Variants in UGT2B7 observed in about 807,000 individuals in gnomAD.
The protein encoded by UGT2B7 is UDP glucuronosyltransferase family 2 member B7, also known as UDP-glucuronosyltransferase 2B7.
Under a neutral mutation model 51.9 loss-of-function variants are expected in UGT2B7, and 51 were observed. The observed-to-expected ratio is 0.98, with a 90% CI of 0.78 to 1.24. The LOEUF is 1.24. Ranked by LOEUF, UGT2B7 falls within the 50% of genes most tolerant of loss-of-function variation. The pLI is 0.00. For synonymous variants in UGT2B7, 225 were observed against 211.6 expected (o/e 1.06, Z -0.55); for missense variants, 727 against 628.4 (o/e 1.16, Z -1.68).
chr4:69,087,033 A>T (rs1718975874), intron 1 of UGT2B7, among the ~76,000 whole-genome samples: 1 of 151,232 alleles, frequency 6.6e-6, no homozygotes, highest in Non-Finnish European at 1.5e-5. Flanking sequence ...GTTTCTGTAT[A>T]TCCTTTCTCT....
upstream of UGT2B7, among the ~76,000 whole-genome samples, chr4:69,094,373 C>T (rs1173978233): frequency 1.0e-4 from 3 of 30,142 alleles, 1 homozygote; most frequent in East Asian, 2.1e-3. Flanking sequence ...TGGTCTCGAT[C>T]TCCTGACCTC....
chr4:69,076,896 T>C (rs1050632833), intron 1 of UGT2B7, among the ~76,000 whole-genome samples: 2 of 152,234 alleles, frequency 1.3e-5, no homozygotes, highest in South Asian at 2.1e-4. Flanking sequence ...GGTTTTCTTC[T>C]AGGATTTTTA....
chr4:69,086,240 G>A (rs4458521), intron 1 of UGT2B7, among the ~76,000 whole-genome samples: 94,869 of 151,458 alleles, frequency 0.63, 31,168 homozygotes, highest in African/African-American at 0.81. Flanking sequence ...ATTTATCTAT[G>A]GACTCAATGG....
chr4:69,094,064 G>T (rs573570038), upstream of UGT2B7, among the ~76,000 whole-genome samples: 43 of 151,294 alleles, frequency 2.8e-4, 1 homozygote, highest in East Asian at 7.9e-3. Context: ...TTGCAGATTT[G>T]GTTCTAGAAT....
intron 1 of UGT2B7, among the ~76,000 whole-genome samples, chr4:69,055,192 G>A (rs533041366): frequency 4.1e-5 from 6 of 147,012 alleles, no homozygotes; most frequent in Non-Finnish European, 8.9e-5. Context: ...TAAGCAGCAT[G>A]AGATAAGATG....
At chr4:69,052,023 A>G (rs556396580) in intron 1 of UGT2B7, among the ~76,000 whole-genome samples, 1 of 152,180 alleles carries the variant, frequency 6.6e-6, no homozygotes, top group South Asian at 2.1e-4. Flanking sequence ...AAGTAAGCCC[A>G]CCCCACTGAG....
At chr4:69,109,351 C>T (rs946286235) in intron 5 of UGT2B7, among the ~76,000 whole-genome samples, 7 of 152,130 alleles carry the variant, frequency 4.6e-5, no homozygotes, top group African/African-American at 1.7e-4. Context: ...ATGACTACCA[C>T]CAGCAGTACA....
At chr4:69,085,039 C>T (rs183554226) in intron 1 of UGT2B7, among the ~76,000 whole-genome samples, 21 of 152,192 alleles carry the variant, frequency 1.4e-4, no homozygotes, top group East Asian at 5.8e-4. Flanking sequence ...CTTGAAGAAT[C>T]GCCACACTGT....
intron 1 of UGT2B7, among the ~76,000 whole-genome samples, chr4:69,077,133 G>C (rs557581056): frequency 6.6e-6 from 1 of 152,124 alleles, no homozygotes; most frequent in East Asian, 1.9e-4. Context: ...CTGTTCCATT[G>C]GTCTATATAT....
chr4:69,110,014 T>C (rs1332119000), intron 5 of UGT2B7, among the ~76,000 whole-genome samples: 1 of 152,070 alleles, frequency 6.6e-6, no homozygotes, highest in Non-Finnish European at 1.5e-5. Flanking sequence ...TAGATTTAAA[T>C]ATGATTATAC....
chr4:69,109,408 G>A (rs563922720), intron 5 of UGT2B7, among the ~76,000 whole-genome samples: 3 of 152,014 alleles, frequency 2.0e-5, no homozygotes, highest in Non-Finnish European at 1.5e-5. Context: ...GTTATTCCCT[G>A]ACTTTTTGTT....
Position 69,108,195 on chromosome 4 carries a change from T to C in UGT2B7, c.1183T>C (p.Leu395=), listed in dbSNP as rs750282415. The change falls in exon 5 of 6, where the codon TTG becomes CTG. Residue 395 remains leucine (L), a synonymous_variant. Coordinates refer to ENST00000305231, the MANE Select transcript of UGT2B7 (RefSeq NM_001074.4). ...TGGGATCCCTATGGTGGGGATTCCA[T>C]TGTTTGCCGATCAACCTGATAACAT... ...YHGIPMVGIP[L]FADQPDNIAH... The C allele has an allele frequency of 6.0e-5, 97 of 1,613,694 alleles. No homozygotes were observed. The highest frequency in any genetic ancestry group is 4.2e-4 in the East Asian group (19 of 44,872).
At chr4:69,064,768 G>T (rs917155462) in intron 1 of UGT2B7, among the ~76,000 whole-genome samples, 2 of 152,002 alleles carry the variant, frequency 1.3e-5, no homozygotes, top group Non-Finnish European at 2.9e-5. Flanking sequence ...TACACCCCAA[G>T]GTCTCTCTCT....
At chr4:69,079,296 T>G (rs78748694) in intron 1 of UGT2B7, among the ~76,000 whole-genome samples, 1,601 of 152,260 alleles carry the variant, frequency 0.011, 16 homozygotes, top group Non-Finnish European at 0.016. Context: ...CAATACAAGT[T>G]GATTCTTAAT....
intron 1 of UGT2B7, chr4:69,069,950 A>G (rs1718565419): frequency 6.6e-6 from 1 of 152,096 alleles, no homozygotes; most frequent in Non-Finnish European, 1.5e-5. Context: ...TAATGTCACC[A>G]CTATGTATCA....
At position 69,108,293 on chromosome 4, in the gene UGT2B7, T is replaced by C. The variant is rs1486146090; in HGVS notation, c.1281T>C (p.Asn427=). Residue 427 remains asparagine, a synonymous_variant, in exon 5 of 6, where the codon AAT becomes AAC. Coordinates refer to ENST00000305231, the MANE Select transcript of UGT2B7 (RefSeq NM_001074.4). ...CAATGTCGAGTACAGACTTGCTGAA[T>C]GCATTGAAGAGAGTAATTAATGATC... ...FNTMSSTDLL[N]ALKRVINDPS... 1.9e-6 allele frequency: 3 copies of C among 1,613,438 alleles called. No homozygotes were observed. Among genetic ancestry groups the C allele is most frequent in the Non-Finnish European group, 2.5e-6 (3 of 1,179,572 alleles).
In UGT2B7 at chr4:69,097,164, T is replaced by A. The variant is rs142000539; in HGVS notation, c.644T>A (p.Ile215Asn). The A allele has an allele frequency of 4.4e-4, 712 of 1,613,404 alleles. 6 individuals carry two copies. The highest frequency in any genetic ancestry group is 3.1e-3 in the Middle Eastern group (19 of 6,058). The change falls in exon 1 of 6, where the codon ATC becomes AAC. Residue 215 changes from isoleucine (I) to asparagine (N), a missense_variant. Transcript: ENST00000305231. ...MTFMERVKNM[I>N]YVLYFDFWFE... is the part of the protein sequence containing the mutation. ...TTCATGGAGAGGGTAAAAAATATGA[T>A]CTATGTGCTTTACTTTGACTTTTGG...
intron 4 of UGT2B7, 59 bp from the exon 5 acceptor site, chr4:69,108,044 T>G: frequency 6.3e-7 from 1 of 1,575,466 alleles, no homozygotes; most frequent in Non-Finnish European, 8.7e-7. Flanking sequence ...TCAGAGCCTT[T>G]CATTGTGCAT....
rs774139685 is a variant in UGT2B7, at chr4:69,107,185, G to T, written c.1013G>T (p.Arg338Ile). ...TCTTTATTGTAACAGGTTCTGTGGAGATTTGATGGGAATAAACCAGATACC... is the reference window on the plus strand; with the variant it reads ...TCTTTATTGTAACAGGTTCTGTGGATATTTGATGGGAATAAACCAGATACC... ...LAQIPQKVLW[R>I]FDGNKPDTLG... is the part of the protein sequence containing the mutation. The change falls in exon 4 of 6, where the codon AGA becomes ATA. Residue 338 changes from arginine (R) to isoleucine (I), a missense_variant. Arg to Ile is a moderately conservative substitution (Grantham distance 97). Transcript: ENST00000305231. 12 of 1,608,454 alleles carry T rather than the reference G, an allele frequency of 7.5e-6. 1 individual carries two copies. Among genetic ancestry groups the T allele is most frequent in the Middle Eastern group, 1.7e-4 (1 of 6,022 alleles).
Sources: gnomAD v4.1 joint callset for allele counts (sites outside exome capture counted in the v4.1 genomes callset) on GRCh38, gnomAD v4.1.1 for gene constraint, MANE v1.5 for transcripts, NCBI Gene and HGNC (gene_info 2026-07-23, HGNC 2026-07-21) for gene names.